MEGF11: variants seen among roughly 807,000 people sequenced by gnomAD.
MEGF11 encodes the protein multiple EGF like domains 11, also known as multiple epidermal growth factor-like domains protein 11.
In MEGF11, 126 loss-of-function variants were observed where a neutral mutation model predicts 146.6. The observed-to-expected ratio is 0.86, with a 90% CI of 0.74 to 1.00. The LOEUF (loss-of-function observed/expected upper bound fraction) is 1.00. Among genes scored for constraint, MEGF11 ranks in the 50% least tolerant of loss-of-function variants. MEGF11 has a pLI of 0.00. For missense variants in MEGF11, 1,509 were observed against 1,521.2 expected (o/e 0.99, Z 0.13); for synonymous variants, 532 against 583.4 (o/e 0.91, Z 1.27).
At chr15:66,118,371 T>TG (rs1175784651) in intron 4 of MEGF11, among the ~76,000 whole-genome samples, 2 of 152,198 alleles carry the variant, frequency 1.3e-5, no homozygotes, top group Non-Finnish European at 2.9e-5. Flanking sequence ...GTGCCTCCAC[T>TG]GCACCACACT....
chr15:65,976,770 G>GTA (rs2141651673), intron 7 of MEGF11, among the ~76,000 whole-genome samples: 1 of 152,300 alleles, frequency 6.6e-6, no homozygotes, highest in African/African-American at 2.4e-5. Context: ...CTAGAAGGTT[G>GTA]TACATGGGGT....
rs568814553 is a variant in MEGF11 at position 66,182,905 on chromosome 15, T to C, written c.-8-54494A>G. Among the ~76,000 whole-genome samples, 17 of 152,284 alleles carry C rather than the reference T, an allele frequency of 1.1e-4. No individual in the cohort carries two copies. The South Asian group carries it at 1.2e-3, about 11-fold the overall frequency. On this transcript the variant is annotated intron_variant, in intron 1 of 25. Transcript: ENST00000395614. ...TGGTGGAGAGAAGCTGGAAACATCT[T>C]TAGGTGTCCCTCACCCATGACGAGT...
intron 1 of MEGF11, among the ~76,000 whole-genome samples, chr15:66,165,438 G>A (rs185456173): frequency 1.5e-3 from 226 of 152,260 alleles, no homozygotes; most frequent in Non-Finnish European, 2.5e-3. Flanking sequence ...AGGAGAGTAG[G>A]GGCTCTGGGG....
chr15:65,936,231 G>A (rs2079781961), intron 10 of MEGF11, among the ~76,000 whole-genome samples: 1 of 152,134 alleles, frequency 6.6e-6, no homozygotes, highest in Non-Finnish European at 1.5e-5. Flanking sequence ...CCCTGCCCTG[G>A]TGGGAATTGG....
intron 1 of MEGF11, among the ~76,000 whole-genome samples, chr15:66,245,866 G>T (rs572226904): frequency 4.6e-5 from 7 of 152,184 alleles, no homozygotes; most frequent in Non-Finnish European, 1.0e-4. Flanking sequence ...GAGGATGGCA[G>T]AGTAGGATGC....
At chr15:66,128,217 C>G in intron 2 of MEGF11, 89 bp downstream of exon 2, 1 of 816,368 alleles carries the variant, frequency 1.2e-6, no homozygotes, top group South Asian at 2.5e-5. Flanking sequence ...GAGGGCAGCT[C>G]CTGGATCTCC....
At chr15:65,988,077 T>A (rs2141733050) in intron 5 of MEGF11, among the ~76,000 whole-genome samples, 1 of 149,192 alleles carries the variant, frequency 6.7e-6, no homozygotes, top group African/African-American at 2.5e-5. Context: ...GTGCGATATC[T>A]GCTCACTGCA....
chr15:66,191,750 C>T (rs2090885901), intron 1 of MEGF11, among the ~76,000 whole-genome samples: 1 of 152,140 alleles, frequency 6.6e-6, no homozygotes, highest in African/African-American at 2.4e-5. Context: ...CCTGGGGGAC[C>T]CCAGTGGATG....
At chr15:66,024,816 G>T (rs1404087134) in intron 5 of MEGF11, among the ~76,000 whole-genome samples, 1 of 152,186 alleles carries the variant, frequency 6.6e-6, no homozygotes, top group Non-Finnish European at 1.5e-5. Context: ...GCACTGTAGG[G>T]GCAGGGAGAG....
chr15:66,077,763 A>G (rs1416196231), intron 5 of MEGF11, among the ~76,000 whole-genome samples: 1 of 152,240 alleles, frequency 6.6e-6, no homozygotes, highest in African/African-American at 2.4e-5. Flanking sequence ...GGCCATGTAC[A>G]GAGTCGAGGC....
intron 10 of MEGF11, 121 bp from the exon 11 acceptor site, chr15:65,931,064 A>G (rs753583176): frequency 1.2e-5 from 15 of 1,209,384 alleles, no homozygotes; most frequent in Non-Finnish European, 1.4e-5. Flanking sequence ...GGGATCTGTG[A>G]ATATGTTACC....
chr15:66,063,479 G>C (rs758531768), intron 5 of MEGF11, among the ~76,000 whole-genome samples: 112 of 152,226 alleles, frequency 7.4e-4, no homozygotes, highest in Non-Finnish European at 1.3e-3. Context: ...TGGAAAGCCT[G>C]GGGAAGTGAT....
chr15:66,071,606 A>G (rs2140474332), intron 5 of MEGF11, among the ~76,000 whole-genome samples: 1 of 152,252 alleles, frequency 6.6e-6, no homozygotes, highest in East Asian at 1.9e-4. Context: ...GGGATCTGTC[A>G]TTTCTCATGA....
intron 5 of MEGF11, among the ~76,000 whole-genome samples, chr15:66,064,632 C>G (rs994223699): frequency 1.3e-5 from 2 of 151,926 alleles, no homozygotes; most frequent in Admixed American, 6.5e-5. Context: ...ATTTTCCTGC[C>G]TCAGCCTCCC....
intron 5 of MEGF11, among the ~76,000 whole-genome samples, chr15:66,054,132 G>A (rs73483408): frequency 0.018 from 2,681 of 152,188 alleles, 72 homozygotes; most frequent in African/African-American, 0.06. Flanking sequence ...GCTCTGCTCA[G>A]TTCCCTGAAG....
chr15:66,159,886 C>A (rs186792645), intron 1 of MEGF11, among the ~76,000 whole-genome samples: 255 of 152,228 alleles, frequency 1.7e-3, no homozygotes, highest in African/African-American at 5.9e-3. Flanking sequence ...CCACAACCCA[C>A]ATGAGCTCTC....
chr15:66,094,467 C>G lies in MEGF11; in HGVS notation c.329G>C (p.Gly110Ala). The G allele has an allele frequency of 9.6e-6, 15 of 1,560,582 alleles. No homozygotes were observed. Among genetic ancestry groups the G allele is most frequent in the Non-Finnish European group, 1.3e-5 (15 of 1,152,192 alleles). The change falls in exon 5 of 26, where the codon GGC becomes GCC. Residue 110 changes from glycine (G) to alanine (A), a missense_variant. By Grantham distance (60) the Gly-to-Ala change is moderately conservative (BLOSUM62 0). Transcript: ENST00000395614. ...IPLCTEECVH[G>A]RCVSPDTCHC... ...GCAGGTGTCCGGGGAAACGCAGCGG[C>G]CGTGCACACACTCCTCCGTACACAG...
intron 1 of MEGF11, among the ~76,000 whole-genome samples, chr15:66,167,214 G>A (rs529288018): frequency 1.6e-4 from 24 of 152,308 alleles, no homozygotes; most frequent in African/African-American, 5.8e-4. Context: ...AAGTGCCCAA[G>A]CCCAGGGCCA....
At chr15:66,042,530 A>T (rs747210802) in intron 5 of MEGF11, among the ~76,000 whole-genome samples, 6 of 151,972 alleles carry the variant, frequency 3.9e-5, no homozygotes, top group Non-Finnish European at 8.8e-5. Flanking sequence ...CTGGGGGGGA[A>T]CATATCAGTT....
Sources: gnomAD v4.1 joint callset for allele counts (sites outside exome capture counted in the v4.1 genomes callset) on GRCh38, gnomAD v4.1.1 for gene constraint, MANE v1.5 for transcripts, NCBI Gene and HGNC (gene_info 2026-07-23, HGNC 2026-07-21) for gene names.